MUC17: variants seen among roughly 807,000 people sequenced by gnomAD.
The protein encoded by MUC17 is mucin-17.
In MUC17, 190 loss-of-function variants were observed where a neutral mutation model predicts 170.3. The ratio of observed to expected loss-of-function variants is 1.12; its 90% CI spans 0.99 to 1.26. The LOEUF (loss-of-function observed/expected upper bound fraction) is 1.26, where lower values mean the gene tolerates loss of function less well. Among genes scored for constraint, MUC17 ranks in the 50% most tolerant of loss-of-function variants. The pLI, the probability that MUC17 is intolerant of heterozygous loss-of-function variation, is 0.00. For synonymous variants in MUC17, 2,325 were observed against 2,002.5 expected (o/e 1.16, Z -4.30); for missense variants, 6,415 against 5,530.0 (o/e 1.16, Z -5.08).
Position 101,041,959 on chromosome 7 carries a change from G to T in MUC17, c.10543G>T (p.Gly3515Ter). The T allele has an allele frequency of 3.1e-6, 5 of 1,613,224 alleles. No individual in the cohort carries two copies. Among genetic ancestry groups the T allele is most frequent in the Non-Finnish European group, 4.2e-6 (5 of 1,179,778 alleles). Residue 3515 changes from glycine (G) to a stop codon, truncating the protein, a stop_gained, in exon 3 of 13, where the codon GGA becomes TGA. Coordinates refer to ENST00000306151, the MANE Select transcript of MUC17 (RefSeq NM_001040105.2). LOFTEE classifies it high-confidence loss of function. ...CATGCCAACATCAACTGCTGGTGAA[G>T]GAAGCACTCCATTAACAAATATGCC... ...TSMPTSTAGE[G>*]STPLTNMPVS...
intron 6 of MUC17, among the ~76,000 whole-genome samples, chr7:101,049,642 T>C (rs1794901515): frequency 6.6e-6 from 1 of 152,160 alleles, no homozygotes; most frequent in Non-Finnish European, 1.5e-5. Flanking sequence ...TTGCTGTGTC[T>C]TTGCATGGTC....
intron 11 of MUC17, among the ~76,000 whole-genome samples, chr7:101,054,947 A>G (rs536755516): frequency 7.7e-4 from 118 of 152,272 alleles, no homozygotes; most frequent in African/African-American, 2.7e-3. Flanking sequence ...GTCTCTACTA[A>G]AAACACAAAA....
In MUC17 at chr7:101,039,521, C is replaced by T. The variant is rs139350157; in HGVS notation, c.8105C>T (p.Thr2702Met). Reference protein sequence around the residue: ...TPLTNILVSTTLLANSEASTL... With the variant: ...TPLTNILVSTMLLANSEASTL... ...TTAACAAATATACTTGTCAGCACCACGCTGTTGGCCAATTCTGAGGCTAGC... is the reference window on the plus strand; with the variant it reads ...TTAACAAATATACTTGTCAGCACCATGCTGTTGGCCAATTCTGAGGCTAGC... Residue 2702 changes from threonine to methionine, a missense_variant, in exon 3 of 13, where the codon ACG becomes ATG. Coordinates refer to ENST00000306151, the MANE Select transcript of MUC17 (RefSeq NM_001040105.2). 78 of 1,604,136 alleles carry T rather than the reference C, an allele frequency of 4.9e-5. No homozygotes were observed. In the African/African-American group the frequency reaches 7.6e-4, roughly 16 times the overall value.
Position 101,038,021 on chromosome 7 carries a change from C to G in MUC17, c.6605C>G (p.Pro2202Arg), listed in dbSNP as rs778243510. 1.2e-6 allele frequency: 2 copies of G among 1,608,184 alleles called. No individual in the cohort carries two copies. Among genetic ancestry groups the G allele is most frequent in the South Asian group, 1.1e-5 (1 of 90,050 alleles). ...VTNSTEARSS[P>R]TTSEGTSMPT... ...AATTCTACTGAAGCCCGTTCATCTC[C>G]TACAACTTCTGAAGGTACCAGCATG... The change falls in exon 3 of 13, where the codon CCT becomes CGT. Residue 2202 changes from proline to arginine, a missense_variant. Transcript: ENST00000306151.
Position 101,032,094 on chromosome 7 carries a change from G to C in MUC17, c.678G>C (p.Met226Ile), listed in dbSNP as rs143067910. 91 of 1,613,756 alleles carry C rather than the reference G, an allele frequency of 5.6e-5. 2 individuals carry two copies. Among genetic ancestry groups the C allele is most frequent in the African/African-American group, 5.3e-4 (40 of 74,872 alleles). Residue 226 changes from methionine (M) to isoleucine (I), a missense_variant, in exon 3 of 13, where the codon ATG (methionine) becomes ATC (isoleucine). By Grantham distance (10) the Met-to-Ile change is conservative. Coordinates refer to ENST00000306151, the MANE Select transcript of MUC17 (RefSeq NM_001040105.2). ...TPLTSMPAST[M>I]KVASSEAITL... is the part of the protein sequence containing the mutation. The stretch of plus-strand genomic sequence containing the variant: ...TAACAAGTATGCCTGCCAGCACCAT[G>C]AAGGTGGCCAGTTCAGAGGCTATCA...
In MUC17 at chr7:101,041,166, C is replaced by A. The variant is rs746222721; in HGVS notation, c.9750C>A (p.Asn3250Lys). The change falls in exon 3 of 13, where the codon AAC becomes AAA. Residue 3250 changes from asparagine (N) to lysine (K), a missense_variant. Asn to Lys is a moderately conservative substitution (Grantham distance 94). Coordinates refer to ENST00000306151, the MANE Select transcript of MUC17 (RefSeq NM_001040105.2). ...TTTCAACAACTCCTGTTGACTCCAA[C>A]ACTCCTTTGACCACTTCTACTGAAG... ...SILSTTPVDS[N>K]TPLTTSTEAS... 3.7e-6 allele frequency: 6 copies of A among 1,612,710 alleles called. No individual in the cohort carries two copies.
At chr7:101,027,664 T>A (rs1432459416) in intron 1 of MUC17, among the ~76,000 whole-genome samples, 2 of 152,208 alleles carry the variant, frequency 1.3e-5, no homozygotes, top group African/African-American at 4.8e-5. Flanking sequence ...TTGGGGCCAT[T>A]CTTTCTTCAC....
intron 6 of MUC17, among the ~76,000 whole-genome samples, chr7:101,050,067 G>T (rs933120910): frequency 3.3e-5 from 5 of 152,168 alleles, no homozygotes; most frequent in Non-Finnish European, 5.9e-5. Flanking sequence ...GGAGTCAGAG[G>T]CTAGAGTAAG....
chr7:101,052,989 C>A lies in MUC17; in HGVS notation c.13107C>A (p.Cys4369Ter), dbSNP rs577795174. ...QMSLSGPQCL[C>*]VTTETHWYSG... Reference sequence around the variant, plus strand: ...TGCCGCTTCTCTCCCATCTCAGCTGCGTGACCACGGAAACTCACTGGTACA... The same window carrying A: ...TGCCGCTTCTCTCCCATCTCAGCTGAGTGACCACGGAAACTCACTGGTACA... The change falls in exon 10 of 13, where the codon TGC becomes TGA. Residue 4369 changes from cysteine to a stop codon, truncating the protein, a stop_gained. Coordinates refer to ENST00000306151, the MANE Select transcript of MUC17 (RefSeq NM_001040105.2). LOFTEE classifies it high-confidence loss of function. The A allele has an allele frequency of 1.9e-6, 3 of 1,612,086 alleles. No individual in the cohort carries two copies. Among genetic ancestry groups the A allele is most frequent in the East Asian group, 2.2e-5 (1 of 44,856 alleles).
At position 101,032,866 on chromosome 7, in the gene MUC17, A is replaced by C; in HGVS notation, c.1450A>C (p.Thr484Pro). The C allele has an allele frequency of 1.9e-6, 3 of 1,613,764 alleles. No individual in the cohort carries two copies. Among genetic ancestry groups the C allele is most frequent in the East Asian group, 4.5e-5 (2 of 44,834 alleles). ...TCCTGTTGACTCCAAAACTCAGGTG[A>C]CCACTTCTACTGAAGCCAGTTCATC... The part of the protein sequence containing the change: ...TTPVDSKTQV[T>P]TSTEASSSPP... Residue 484 changes from threonine (T) to proline (P), a missense_variant, in exon 3 of 13, where the codon ACC (threonine) becomes CCC (proline). Physicochemically the swap from Thr to Pro is conservative, Grantham distance 38. Coordinates refer to ENST00000306151, the MANE Select transcript of MUC17 (RefSeq NM_001040105.2).
At position 101,032,432 on chromosome 7, in the gene MUC17, C is replaced by A. The variant is rs4729645; in HGVS notation, c.1016C>A (p.Thr339Lys). The A allele has an allele frequency of 1.9e-6, 3 of 1,609,842 alleles. No homozygotes were observed. Among genetic ancestry groups the A allele is most frequent in the South Asian group, 1.1e-5 (1 of 90,820 alleles). ...GAAGGAAGCACTCCATTAACAAGTA[C>A]GCCTGCCAGCACCATGCCGGTTGCC... ...YTEGSTPLTS[T>K]PASTMPVATS... Residue 339 changes from threonine to lysine, a missense_variant, in exon 3 of 13, where the codon ACG becomes AAG. Physicochemically the swap from Thr to Lys is moderately conservative, Grantham distance 78. Transcript: ENST00000306151.
At chr7:101,047,861 G>A in intron 3 of MUC17, 123 bp from the exon 4 acceptor site, 3 of 1,192,714 alleles carry the variant, frequency 2.5e-6, no homozygotes, top group Non-Finnish European at 3.4e-6. Flanking sequence ...CAGTGTCCGT[G>A]CAAACGCATT....
In MUC17 at chr7:101,056,251, A is replaced by G. The variant is rs746638824; in HGVS notation, c.13421A>G (p.His4474Arg). 2 of 1,613,990 alleles carry G rather than the reference A, an allele frequency of 1.2e-6. No individual in the cohort carries two copies. The highest frequency in any genetic ancestry group is 2.2e-5 in the South Asian group (2 of 91,066). ...AGTAATTTCCAGCCCTCCTTGAGACACATAGACCCTGAAACAAAGGTAAGA... is the reference window on the plus strand; with the variant it reads ...AGTAATTTCCAGCCCTCCTTGAGACGCATAGACCCTGAAACAAAGGTAAGA... ...IYSNFQPSLRHIDPETKIRIQ... is the reference protein window; with the variant it reads ...IYSNFQPSLRRIDPETKIRIQ... The change falls in exon 12 of 13, where the codon CAC becomes CGC. Residue 4474 changes from histidine (H) to arginine (R), a missense_variant. By Grantham distance (29) the His-to-Arg change is conservative. Coordinates refer to ENST00000306151, the MANE Select transcript of MUC17 (RefSeq NM_001040105.2).
At chr7:101,049,427 A>G (rs1223230483) in intron 6 of MUC17, 45 bp downstream of exon 6, 1 of 1,584,324 alleles carries the variant, frequency 6.3e-7, no homozygotes, top group Non-Finnish European at 8.6e-7. Context: ...GCGTGGAAGC[A>G]GTGGTCATAG....
At position 101,054,031 on chromosome 7, in the gene MUC17, G is replaced by C. The variant is rs1378304952; in HGVS notation, c.13363+595G>C. Among the ~76,000 whole-genome samples, 3 of 115,860 alleles carry C rather than the reference G, an allele frequency of 2.6e-5. No homozygotes were observed. The East Asian group carries it at 8.8e-4, about 34-fold the overall frequency. 76.0% of individuals were successfully genotyped at this position (115,860 alleles called of 152,430 possible). A position where few individuals can be genotyped will look rare whatever the true frequency, so the allele number is the denominator to read the frequency against. On this transcript the variant is annotated intron_variant, in intron 11 of 12. Coordinates refer to ENST00000306151, the MANE Select transcript of MUC17 (RefSeq NM_001040105.2). ...GCTGTGATTGTACCACTGCACTCCA[G>C]CCTGGGCAACAGAACAAGACCCTGT...
At position 101,034,356 on chromosome 7, in the gene MUC17, A is replaced by G. The variant is rs1794391851; in HGVS notation, c.2940A>G (p.Glu980=). 1 of 1,608,500 alleles carries G rather than the reference A, an allele frequency of 6.2e-7. No individual in the cohort carries two copies. Among genetic ancestry groups the G allele is most frequent in the African/African-American group, 1.3e-5 (1 of 74,490 alleles). Residue 980 remains glutamate, a synonymous_variant, in exon 3 of 13, where the codon GAA becomes GAG. Transcript: ENST00000306151. ...GTSIPTSTPS[E]GTTPLTSTPV... ...GCATACCAACCTCGACTCCTAGTGA[A>G]GGAACGACTCCATTAACAAGCACAC... is the stretch of plus-strand genomic sequence containing the variant.
In MUC17 at chr7:101,051,084, G is replaced by T. The variant is rs1269765351; in HGVS notation, c.12874+449G>T. ...GCAGAAGAGGGAAGAAGGAGGCATT[G>T]GGCAGGCATGGTGGCTCACGCCTGT... On this transcript the variant is annotated intron_variant, in intron 7 of 12. Coordinates refer to ENST00000306151, the MANE Select transcript of MUC17 (RefSeq NM_001040105.2). 2.0e-5 allele frequency among the ~76,000 whole-genome samples: 3 copies of T among 152,148 alleles called. No individual in the cohort carries two copies. In the East Asian group the frequency reaches 5.8e-4, roughly 30 times the overall value.
In MUC17 at chr7:101,036,969, T is replaced by G. The variant is rs763270594; in HGVS notation, c.5553T>G (p.Pro1851=). 1 of 1,584,264 alleles carries G rather than the reference T, an allele frequency of 6.3e-7. No homozygotes were observed. The highest frequency in any genetic ancestry group is 8.5e-7 in the Non-Finnish European group (1 of 1,179,056). Residue 1851 remains proline, a synonymous_variant, in exon 3 of 13, where the codon CCT becomes CCG. Coordinates refer to ENST00000306151, the MANE Select transcript of MUC17 (RefSeq NM_001040105.2). ...CAGCAGTCAGTTCATCTCCTACACCTGCTGAAGGTACCAGCATAGCAACCT... is the reference window on the plus strand; with the variant it reads ...CAGCAGTCAGTTCATCTCCTACACCGGCTGAAGGTACCAGCATAGCAACCT... ...TSTAVSSSPT[P]AEGTSIATST... is the part of the protein sequence containing the mutation.
intron 1 of MUC17, among the ~76,000 whole-genome samples, chr7:101,023,144 A>G (rs1794124537): frequency 6.6e-6 from 1 of 151,902 alleles, no homozygotes; most frequent in Admixed American, 6.6e-5. Context: ...GGGCTGGTAG[A>G]CGCTTTGCCT....
Sources: allele counts gnomAD v4.1 joint callset (sites outside exome capture counted in the v4.1 genomes callset), GRCh38; gene constraint gnomAD v4.1.1; transcripts MANE v1.5; gene names NCBI Gene and HGNC (gene_info 2026-07-23, HGNC 2026-07-21).